GLI1: variants seen among roughly 807,000 people sequenced by gnomAD.
GLI1 encodes transcription activator GLI1.
GLI1 carries 51 observed loss-of-function variants against 87.8 expected under a neutral mutation model. The ratio of observed to expected loss-of-function variants is 0.58; its 90% CI spans 0.46 to 0.73. The LOEUF (loss-of-function observed/expected upper bound fraction) is 0.73, where lower values mean the gene tolerates loss of function less well. Ranked by LOEUF, GLI1 falls within the 30% of genes least tolerant of loss-of-function variation. The pLI is 0.00. For missense variants in GLI1, 1,292 were observed against 1,437.2 expected (o/e 0.90, Z 1.63); for synonymous variants, 528 against 558.2 (o/e 0.95, Z 0.76).
At position 57,468,169 on chromosome 12, in the gene GLI1, G is replaced by C. The variant is rs777289743; in HGVS notation, c.1253G>C (p.Arg418Pro). The C allele has an allele frequency of 6.2e-7, 1 of 1,614,178 alleles. No homozygotes were observed. The highest frequency in any genetic ancestry group is 1.7e-5 in the Admixed American group (1 of 60,028). The change falls in exon 10 of 12, where the codon CGG (arginine) becomes CCG (proline). Residue 418 changes from arginine to proline, a missense_variant. This residue lies in a region of GLI1 where 897 missense variants were observed against 1,040.7 expected (regional missense o/e 0.86). Coordinates refer to ENST00000228682, the MANE Select transcript of GLI1 (RefSeq NM_005269.3). ...TCTACAGTGGAGCCCAAGAGGGAGC[G>C]GGAAGGAGGTCCCATCAGGGAGGAA... is the stretch of plus-strand genomic sequence containing the variant. ...SISTVEPKRE[R>P]EGGPIREESR...
intron 8 of GLI1, among the ~76,000 whole-genome samples, chr12:57,466,776 C>T (rs956422559): frequency 3.3e-5 from 5 of 151,932 alleles, no homozygotes; most frequent in Admixed American, 6.6e-5. Flanking sequence ...TGGTGATGGG[C>T]GCCTGTAGTC....
rs1337303625 is a variant in GLI1 at position 57,470,541 on chromosome 12, A to G, written c.1801A>G (p.Thr601Ala). The G allele has an allele frequency of 1.2e-6, 2 of 1,613,990 alleles. No homozygotes were observed. The highest frequency in any genetic ancestry group is 1.7e-6 in the Non-Finnish European group (2 of 1,179,964). Reference sequence around the variant, plus strand: ...ATATGCTTCAGCCAGAGGGGGTGGTACTTCGCCCACTGCAGCATCCAGCCT... The same window carrying G: ...ATATGCTTCAGCCAGAGGGGGTGGTGCTTCGCCCACTGCAGCATCCAGCCT... ...ARYASARGGGTSPTAASSLDR... is the reference protein window; with the variant it reads ...ARYASARGGGASPTAASSLDR... The change falls in exon 12 of 12, where the codon ACT becomes GCT. Residue 601 changes from threonine (T) to alanine (A), a missense_variant. This residue lies in a region of GLI1 where 897 missense variants were observed against 1,040.7 expected (regional missense o/e 0.86). Coordinates refer to ENST00000228682, the MANE Select transcript of GLI1 (RefSeq NM_005269.3).
chr12:57,467,333 T>A lies in GLI1; in HGVS notation c.913T>A (p.Phe305Ile). 6.2e-7 allele frequency: 1 copy of A among 1,603,052 alleles called. No individual in the cohort carries two copies. The highest frequency in any genetic ancestry group is 8.5e-7 in the Non-Finnish European group (1 of 1,171,400). The change falls in exon 9 of 12, where the codon TTT becomes ATT. Residue 305 changes from phenylalanine (F) to isoleucine (I), a missense_variant and splice_region_variant. Physicochemically the swap from Phe to Ile is conservative, Grantham distance 21. Transcript: ENST00000228682. ...HTGEKPHKCTFEGCRKSYSRL... is the reference protein window; with the variant it reads ...HTGEKPHKCTIEGCRKSYSRL... ...CCTTTGACCCCTGCATGTCCCCCAG[T>A]TTGAAGGGTGCCGGAAGTCATACTC...
chr12:57,468,325 C>A, intron 10 of GLI1, 101 bp downstream of exon 10: 1 of 726,766 alleles, frequency 1.4e-6, no homozygotes, highest in Non-Finnish European at 2.3e-6. Context: ...ATAGAAGTCA[C>A]TCTTCTGTGA....
intron 3 of GLI1, 29 bp from the exon 4 acceptor site, chr12:57,464,644 A>G: frequency 1.9e-6 from 3 of 1,571,176 alleles, no homozygotes; most frequent in South Asian, 2.2e-5. Flanking sequence ...CCCCTTTACC[A>G]TATCCGTCTC....
At chr12:57,465,474 A>T (rs1871414844) in intron 5 of GLI1, 133 bp from the exon 6 acceptor site, 3 of 791,754 alleles carry the variant, frequency 3.8e-6, no homozygotes, top group Admixed American at 2.4e-5. Flanking sequence ...TAGTCTGAGG[A>T]GGAAGTCCCT....
At chr12:57,470,015 C>T (rs138853671) in intron 11 of GLI1, among the ~76,000 whole-genome samples, 59 of 152,136 alleles carry the variant, frequency 3.9e-4, no homozygotes, top group African/African-American at 1.1e-3. Context: ...GCAACAAGAG[C>T]GAAACTCTGT....
Position 57,470,353 on chromosome 12 carries a change from C to G in GLI1, c.1613C>G (p.Ser538Cys). Residue 538 changes from serine (S) to cysteine (C), a missense_variant, in exon 12 of 12, where the codon TCT becomes TGT. Coordinates refer to ENST00000228682, the MANE Select transcript of GLI1 (RefSeq NM_005269.3). ...TVSRRVGPPVSLERRSSSSSS... is the reference protein window; with the variant it reads ...TVSRRVGPPVCLERRSSSSSS... Reference sequence around the variant, plus strand: ...TCCCGCCGCGTGGGCCCCCCAGTCTCTCTTGAACGCCGCAGCAGCAGCTCC... The same window carrying G: ...TCCCGCCGCGTGGGCCCCCCAGTCTGTCTTGAACGCCGCAGCAGCAGCTCC... 6.2e-7 allele frequency: 1 copy of G among 1,601,188 alleles called. No individual in the cohort carries two copies. Among genetic ancestry groups the G allele is most frequent in the Non-Finnish European group, 8.5e-7 (1 of 1,173,000 alleles).
chr12:57,464,892 G>A (rs754071089), intron 4 of GLI1, 24 bp downstream of exon 4: 2 of 1,563,036 alleles, frequency 1.3e-6, no homozygotes, highest in Admixed American at 1.7e-5. Flanking sequence ...CGGGCCAAGA[G>A]GCCCCTAAAG....
intron 9 of GLI1, among the ~76,000 whole-genome samples, 198 bp from the exon 10 acceptor site, chr12:57,467,796 T>C (rs1405107644): frequency 6.6e-6 from 1 of 152,166 alleles, no homozygotes; most frequent in Non-Finnish European, 1.5e-5. Flanking sequence ...CCCCTCATCT[T>C]TCCCAGGCTG....
In GLI1 at chr12:57,469,388, C is replaced by G. The variant is rs779008317; in HGVS notation, c.1309-43C>G. 3 of 1,594,644 alleles carry G rather than the reference C, an allele frequency of 1.9e-6. No homozygotes were observed. The South Asian group carries it at 3.3e-5, about 18-fold the overall frequency. On this transcript the variant is annotated intron_variant, in intron 10 of 11. Coordinates refer to ENST00000228682, the MANE Select transcript of GLI1 (RefSeq NM_005269.3). The stretch of plus-strand genomic sequence containing the variant: ...TCAGCCACTCATCAAGTTGAAGGAG[C>G]TGTGGGGAAGGGTGTTGCCCTCAGA...
Position 57,470,358 on chromosome 12 carries a change from G to A in GLI1, c.1618G>A (p.Glu540Lys). ...SRRVGPPVSL[E>K]RRSSSSSSIS... is the part of the protein sequence containing the mutation. ...CCGCGTGGGCCCCCCAGTCTCTCTT[G>A]AACGCCGCAGCAGCAGCTCCAGCAG... The change falls in exon 12 of 12, where the codon GAA (glutamate) becomes AAA (lysine). Residue 540 changes from glutamate to lysine, a missense_variant. By Grantham distance (56) the Glu-to-Lys change is moderately conservative (BLOSUM62 1). Around this residue, in one of 3 missense-constraint regions of GLI1, gnomAD observed 897 missense variants for 1,040.7 expected, o/e 0.86. Transcript: ENST00000228682. 6.2e-7 allele frequency: 1 copy of A among 1,603,766 alleles called. No homozygotes were observed. Among genetic ancestry groups the A allele is most frequent in the South Asian group, 1.1e-5 (1 of 89,352 alleles).
Position 57,471,045 on chromosome 12 carries a change from C to A in GLI1, c.2305C>A (p.Gln769Lys). 6.2e-7 allele frequency: 1 copy of A among 1,610,602 alleles called. No individual in the cohort carries two copies. The highest frequency in any genetic ancestry group is 8.5e-7 in the Non-Finnish European group (1 of 1,178,176). ...CTATGGCCCCAACCCCTGTCCCCAGCAGGCCTCATATCCTGACCCCACCCA... is the reference window on the plus strand; with the variant it reads ...CTATGGCCCCAACCCCTGTCCCCAGAAGGCCTCATATCCTGACCCCACCCA... ...TNYGPNPCPQ[Q>K]ASYPDPTQET... Residue 769 changes from glutamine to lysine, a missense_variant, in exon 12 of 12, where the codon CAG becomes AAG. Around this residue, in one of 3 missense-constraint regions of GLI1, gnomAD observed 897 missense variants for 1,040.7 expected, o/e 0.86. Coordinates refer to ENST00000228682, the MANE Select transcript of GLI1 (RefSeq NM_005269.3). The surrounding 1 kb of genome is among the most constrained non-coding windows in gnomAD (Gnocchi z 4.9).
intron 4 of GLI1, 73 bp downstream of exon 4, chr12:57,464,941 C>G (rs915752164): frequency 3.9e-6 from 5 of 1,284,262 alleles, no homozygotes; most frequent in Non-Finnish European, 5.6e-6. Context: ...AGCCCTCAAA[C>G]TACCTAACCC....
chr12:57,467,189 T>C (rs11830874), intron 8 of GLI1, 144 bp from the exon 9 acceptor site: 20,908 of 606,126 alleles, frequency 0.034, 973 homozygotes, highest in African/African-American at 0.16. Context: ...CCTTGTCCCC[T>C]AGTTTTGGGA....
At chr12:57,468,618 C>G (rs2139860918) in intron 10 of GLI1, among the ~76,000 whole-genome samples, 1 of 151,956 alleles carries the variant, frequency 6.6e-6, no homozygotes, top group Admixed American at 6.6e-5. Context: ...CACACCCCAT[C>G]ATGCCTGGCT....
In GLI1 at chr12:57,465,826, C is replaced by T. The variant is rs751422534; in HGVS notation, c.663C>T (p.Leu221=). 3.7e-6 allele frequency: 6 copies of T among 1,613,960 alleles called. No individual in the cohort carries two copies. The highest frequency in any genetic ancestry group is 4.2e-6 in the Non-Finnish European group (5 of 1,179,954). ...GGATGCTGGATGGGCGGGAGGACCTCGAGAGAGAGGAGAAGCGTGAGCCTG... is the reference window on the plus strand; with the variant it reads ...GGATGCTGGATGGGCGGGAGGACCTTGAGAGAGAGGAGAAGCGTGAGCCTG... ...LLGMLDGRED[L]EREEKREPES... The change falls in exon 7 of 12, where the codon CTC becomes CTT. Residue 221 remains leucine (L), a synonymous_variant. Transcript: ENST00000228682.
At chr12:57,462,357 G>T (rs569429544) in intron 1 of GLI1, among the ~76,000 whole-genome samples, 56 of 152,130 alleles carry the variant, frequency 3.7e-4, no homozygotes, top group African/African-American at 1.3e-3. Context: ...TCCGGGTTCC[G>T]CTCCCCATCT....
At chr12:57,466,528 G>T in intron 8 of GLI1, 139 bp downstream of exon 8, 1 of 626,530 alleles carries the variant, frequency 1.6e-6, no homozygotes. Flanking sequence ...GTGTGACTGT[G>T]TTGGCATAAA....
Sources: allele counts gnomAD v4.1 joint callset (sites outside exome capture counted in the v4.1 genomes callset), GRCh38; gene constraint gnomAD v4.1.1; regional missense constraint gnomAD v4.1.1; non-coding constraint Gnocchi (gnomAD v3.1); transcripts MANE v1.5; gene names NCBI Gene and HGNC (gene_info 2026-07-23, HGNC 2026-07-21).